The following SBF2 variants were observed in gnomAD, a reference collection of about 807,000 sequenced individuals.
SBF2 encodes the protein myotubularin-related protein 13.
Under a neutral mutation model 225.2 loss-of-function variants are expected in SBF2, and 112 were observed. The observed-to-expected ratio is 0.50, with a 90% confidence interval of 0.43 to 0.58. SBF2 has a LOEUF of 0.58. SBF2 is among the 20% of genes least tolerant of loss of function. SBF2 has a pLI of 0.00. For synonymous variants in SBF2, 763 were observed against 773.3 expected, an observed-to-expected ratio of 0.99 and a Z score of 0.22; for missense variants, 1,996 against 2,206.2, an observed-to-expected ratio of 0.90 and a Z score of 1.91.
chr11:9,872,227 C>G (rs1257612147), intron 17 of SBF2, among the ~76,000 whole-genome samples: 1 of 152,092 alleles, frequency 6.6e-6, no homozygotes, highest in East Asian at 1.9e-4. Flanking sequence ...AACAGTAAAC[C>G]TAACACTGCA....
rs756995624 is a variant in SBF2, at chr11:9,846,944, C to CT, written c.2934+11dup. 6.2e-7 allele frequency: 1 copy of CT among 1,613,474 alleles called. No individual in the cohort carries two copies. The highest frequency in any genetic ancestry group is 1.3e-5 in the African/African-American group (1 of 74,998). On this transcript the variant is annotated intron_variant, in intron 23 of 39. Transcript: ENST00000256190. ...TTTTGAATAGTAAAACAATGGCTTC[C>CT]TTTTTTAATACCTGAAAAGATGCTG...
At chr11:10,284,458 G>A (rs775494455) in intron 1 of SBF2, among the ~76,000 whole-genome samples, 3 of 152,104 alleles carry the variant, frequency 2.0e-5, no homozygotes, top group Non-Finnish European at 4.4e-5. Flanking sequence ...TTCAACAACT[G>A]TGTGTTCATT....
At chr11:10,127,532 G>T (rs1953812555) in intron 2 of SBF2, among the ~76,000 whole-genome samples, 1 of 151,872 alleles carries the variant, frequency 6.6e-6, no homozygotes, top group Non-Finnish European at 1.5e-5. Context: ...ATCTTCTAAG[G>T]GTCAGTTCTC....
intron 30 of SBF2, chr11:9,810,147 C>G (rs1025292220): frequency 6.6e-6 from 1 of 152,108 alleles, no homozygotes; most frequent in Non-Finnish European, 1.5e-5. Flanking sequence ...GTGGTGGCAT[C>G]TGCCTGTAAT....
intron 28 of SBF2, among the ~76,000 whole-genome samples, chr11:9,824,590 A>G (rs1854964218): frequency 6.6e-6 from 1 of 152,014 alleles, no homozygotes; most frequent in Non-Finnish European, 1.5e-5. Context: ...AAAAAAGAAA[A>G]AGATTGTTGA....
intron 13 of SBF2, among the ~76,000 whole-genome samples, chr11:9,973,537 G>A (rs1039889011): frequency 7.2e-5 from 11 of 152,284 alleles, no homozygotes; most frequent in Middle Eastern, 3.4e-3. Context: ...TTTGGATAAT[G>A]ATTTTCAAGG....
intron 1 of SBF2, among the ~76,000 whole-genome samples, chr11:10,273,845 T>C (rs376277046): frequency 7.9e-5 from 12 of 152,170 alleles, no homozygotes; most frequent in African/African-American, 2.4e-4. Flanking sequence ...CAGGAATAGG[T>C]TGTCTGTCTT....
chr11:9,995,439 G>C (rs1483231993), intron 9 of SBF2, among the ~76,000 whole-genome samples: 1 of 152,144 alleles, frequency 6.6e-6, no homozygotes, highest in African/African-American at 2.4e-5. Context: ...TCAAGTCACT[G>C]AATCACTACC....
chr11:10,076,381 T>A (rs1283768887), intron 2 of SBF2, among the ~76,000 whole-genome samples: 1 of 152,144 alleles, frequency 6.6e-6, no homozygotes, highest in African/African-American at 2.4e-5. Flanking sequence ...AGACACTGGT[T>A]TGGAGAATCT....
At chr11:9,969,001 C>T (rs1165241696) in intron 13 of SBF2, among the ~76,000 whole-genome samples, 1 of 151,052 alleles carries the variant, frequency 6.6e-6, no homozygotes, top group Non-Finnish European at 1.5e-5. Context: ...GTTTAACTCT[C>T]TATACAATAT....
intron 17 of SBF2, among the ~76,000 whole-genome samples, chr11:9,874,880 C>T (rs1859087221): frequency 6.6e-6 from 1 of 152,062 alleles, no homozygotes; most frequent in Non-Finnish European, 1.5e-5. Context: ...CCTTGAAGAG[C>T]CAATAGTACA....
At chr11:10,050,695 ACTATTGAC>A (rs147585019) in intron 2 of SBF2, among the ~76,000 whole-genome samples, 1,664 of 152,266 alleles carry the variant, frequency 0.011, 11 homozygotes, top group Non-Finnish European at 0.017. Context: ...GCTATAGGCT[ACTATTGAC>A]CTTCTGATGG....
intron 2 of SBF2, among the ~76,000 whole-genome samples, chr11:10,112,885 A>G (rs1952942453): frequency 6.6e-6 from 1 of 152,272 alleles, no homozygotes; most frequent in African/African-American, 2.4e-5. Flanking sequence ...TGTACTTATC[A>G]TGAAGAACAG....
intron 1 of SBF2, among the ~76,000 whole-genome samples, chr11:10,246,276 T>C (rs1959782292): frequency 1.3e-5 from 2 of 152,038 alleles, no homozygotes; most frequent in Admixed American, 6.6e-5. Context: ...ACAGGTTTCT[T>C]TTCTTTCTTT....
intron 10 of SBF2, 31 bp from the exon 11 acceptor site, chr11:9,993,134 T>C: frequency 6.6e-7 from 1 of 1,507,378 alleles, no homozygotes; most frequent in Non-Finnish European, 9.2e-7. Flanking sequence ...GTTAGGTAAT[T>C]TAACTTTTTA....
intron 6 of SBF2, among the ~76,000 whole-genome samples, chr11:10,007,803 C>A (rs1252416173): frequency 1.3e-5 from 2 of 152,172 alleles, no homozygotes; most frequent in African/African-American, 2.4e-5. Context: ...TAGGTCACGC[C>A]CCCTTCAAGA....
At chr11:10,029,229 C>G (rs56850765) in intron 5 of SBF2, among the ~76,000 whole-genome samples, 28,551 of 151,956 alleles carry the variant, frequency 0.19, 2,885 homozygotes, top group East Asian at 0.27. Flanking sequence ...ATAAATAAAT[C>G]ATAGCAGCAG....
intron 1 of SBF2, among the ~76,000 whole-genome samples, chr11:10,270,561 T>G (rs986701243): frequency 6.6e-6 from 1 of 152,112 alleles, no homozygotes; most frequent in Non-Finnish European, 1.5e-5. Context: ...AAAATGTGTA[T>G]AAGTGGACCA....
At chr11:10,131,494 T>C (rs1289610711) in intron 2 of SBF2, among the ~76,000 whole-genome samples, 1 of 152,214 alleles carries the variant, frequency 6.6e-6, no homozygotes, top group African/African-American at 2.4e-5. Flanking sequence ...AGTGCAATGC[T>C]GTGACCTTGG....
Sources: allele counts gnomAD v4.1 joint callset (sites outside exome capture counted in the v4.1 genomes callset), GRCh38; gene constraint gnomAD v4.1.1; transcripts MANE v1.5; gene names NCBI Gene and HGNC (gene_info 2026-07-23, HGNC 2026-07-21).